Variants in DPYSL2 observed in about 807,000 individuals in gnomAD.
DPYSL2 encodes dihydropyrimidinase like 2.
In DPYSL2, 13 loss-of-function variants were observed where a neutral mutation model predicts 69.9. The observed-to-expected ratio is 0.19, with a 90% CI of 0.12 to 0.30. DPYSL2 has a LOEUF of 0.30. Among genes scored for constraint, DPYSL2 ranks in the 10% least tolerant of loss-of-function variants. The pLI, the probability that DPYSL2 is intolerant of heterozygous loss-of-function variation, is 1.00. For synonymous variants in DPYSL2, 326 were observed against 359.1 expected (o/e 0.91, Z 1.04); for missense variants, 587 against 918.9 (o/e 0.64, Z 4.67).
At position 26,643,363 on chromosome 8, in the gene DPYSL2, G is replaced by A. The variant is rs1585569161; in HGVS notation, c.1127-76G>A. 10 of 1,478,314 alleles carry A rather than the reference G, an allele frequency of 6.8e-6. No homozygotes were observed. Among genetic ancestry groups the A allele is most frequent in the Non-Finnish European group, 9.1e-6 (10 of 1,102,802 alleles). 91.6% of individuals were successfully genotyped at this position (1,478,314 alleles called of 1,614,324 possible). A position where few individuals can be genotyped will look rare whatever the true frequency, so the allele number is the denominator to read the frequency against. ...GAGTGCACTGGGTGCTGCTGGGCAG[G>A]CAGTGGCTCCTCATAGGGGTGGTTC... On this transcript the variant is annotated intron_variant, in intron 8 of 13. Transcript: ENST00000521913. The surrounding 1 kb of genome is among the most constrained non-coding windows in gnomAD (Gnocchi z 6.5).
chr8:26,637,123 C>T (rs1287285810), intron 8 of DPYSL2, among the ~76,000 whole-genome samples: 1 of 152,204 alleles, frequency 6.6e-6, no homozygotes, highest in African/African-American at 2.4e-5. Context: ...TGTTCCCTTC[C>T]AGAGCCTTCT....
chr8:26,625,454 A>G (rs1211257457), intron 4 of DPYSL2, among the ~76,000 whole-genome samples: 4 of 152,206 alleles, frequency 2.6e-5, no homozygotes, highest in African/African-American at 9.6e-5. Context: ...CAGGATGTCC[A>G]GAGGCATTTA....
In DPYSL2 at chr8:26,585,219, T is replaced by A. The variant is rs1801574128; in HGVS notation, c.628+1236T>A. Among the ~76,000 whole-genome samples, 1 of 152,200 alleles carries A rather than the reference T, an allele frequency of 6.6e-6. No homozygotes were observed. The highest frequency in any genetic ancestry group is 1.5e-5 in the Non-Finnish European group (1 of 68,034). ...GTAGAAAGAACTTAGCTGTTTCTGC[T>A]ATAGAAAAACCTTTCTTACTGGTTA... is the stretch of plus-strand genomic sequence containing the variant. On this transcript the variant is annotated intron_variant, in intron 3 of 13. Transcript: ENST00000521913. The surrounding 1 kb of genome is among the most constrained non-coding windows in gnomAD (Gnocchi z 4.0).
chr8:26,545,066 G>A (rs1800743834), intron 1 of DPYSL2, among the ~76,000 whole-genome samples: 1 of 152,064 alleles, frequency 6.6e-6, no homozygotes, highest in African/African-American at 2.4e-5. Flanking sequence ...TAATAGTAGG[G>A]GACTTTGATA....
rs1175779357 is a variant in DPYSL2 at position 26,580,696 on chromosome 8, G to T, written c.355-1273G>T. On this transcript the variant is annotated intron_variant, in intron 1 of 13. Transcript: ENST00000521913. This position sits in a 1 kb window ranked among gnomAD's most constrained non-coding sequence, Gnocchi z 4.1. ...TTTTCTTGGTAGCTGCTAAAGAGAG[G>T]TAGCACTTGCTGAGAATATTGTTTT... 6.6e-6 allele frequency among the ~76,000 whole-genome samples: 1 copy of T among 152,172 alleles called. No homozygotes were observed. Among genetic ancestry groups the T allele is most frequent in the Non-Finnish European group, 1.5e-5 (1 of 68,038 alleles).
intron 1 of DPYSL2, chr8:26,577,171 C>G (rs1022171178): frequency 3.6e-5 from 16 of 446,456 alleles, no homozygotes; most frequent in African/African-American, 3.1e-4. Flanking sequence ...TTTCCTGCAG[C>G]CCGGCGCCTC....
chr8:26,638,972 C>G (rs17055582), intron 8 of DPYSL2, among the ~76,000 whole-genome samples: 18,911 of 152,236 alleles, frequency 0.12, 2,169 homozygotes, highest in African/African-American at 0.3. Flanking sequence ...TGGGCAGTGC[C>G]TGATGACCTC....
chr8:26,538,623 C>G (rs1800633919), intron 1 of DPYSL2, among the ~76,000 whole-genome samples: 2 of 152,180 alleles, frequency 1.3e-5, no homozygotes, highest in African/African-American at 4.8e-5. Flanking sequence ...GAAGGAGCTG[C>G]TATTATGTTT....
chr8:26,529,602 CCA>C (rs1800465077), intron 1 of DPYSL2, among the ~76,000 whole-genome samples: 1 of 152,034 alleles, frequency 6.6e-6, no homozygotes, highest in Non-Finnish European at 1.5e-5. Flanking sequence ...TAGGCATGAG[CCA>C]CTGTGCTGCC....
rs1177683216 is a variant in DPYSL2 at position 26,610,691 on chromosome 8, G to A, written c.629-13452G>A. Reference sequence around the variant, plus strand: ...CCCCTGGCATAGAAGGGTGCATCTCGTCTCCCCACAACAGCACTGGAAGGT... The same window carrying A: ...CCCCTGGCATAGAAGGGTGCATCTCATCTCCCCACAACAGCACTGGAAGGT... On this transcript the variant is annotated intron_variant, in intron 3 of 13. Transcript: ENST00000521913. The surrounding 1 kb of genome is among the most constrained non-coding windows in gnomAD (Gnocchi z 4.5). Among the ~76,000 whole-genome samples the A allele has an allele frequency of 3.3e-5, 5 of 152,164 alleles. No homozygotes were observed. In the East Asian group the frequency reaches 7.7e-4, roughly 24 times the overall value.
At chr8:26,608,651 T>G (rs1472686573) in intron 3 of DPYSL2, among the ~76,000 whole-genome samples, 1 of 152,210 alleles carries the variant, frequency 6.6e-6, no homozygotes, top group Non-Finnish European at 1.5e-5. Flanking sequence ...ACCTTATTGT[T>G]CAGATACATT....
chr8:26,601,982 G>A (rs1802002962), intron 3 of DPYSL2, among the ~76,000 whole-genome samples: 1 of 152,196 alleles, frequency 6.6e-6, no homozygotes, highest in African/African-American at 2.4e-5. Flanking sequence ...CTGGGCAAAG[G>A]CTTATTTTAT....
intron 1 of DPYSL2, among the ~76,000 whole-genome samples, chr8:26,555,163 G>C (rs1453045593): frequency 6.6e-6 from 1 of 152,018 alleles, no homozygotes; most frequent in Non-Finnish European, 1.5e-5. Context: ...TTTATGGTGA[G>C]AAACCATAAA....
chr8:26,611,319 G>A (rs976481633), intron 3 of DPYSL2, among the ~76,000 whole-genome samples: 1 of 152,204 alleles, frequency 6.6e-6, no homozygotes, highest in African/African-American at 2.4e-5. Flanking sequence ...TTTCATTAGT[G>A]AGAGAATGTT....
chr8:26,545,362 C>T lies in DPYSL2; in HGVS notation c.354+30683C>T, dbSNP rs149641916. 7.9e-5 allele frequency among the ~76,000 whole-genome samples: 12 copies of T among 152,158 alleles called. No individual in the cohort carries two copies. In the South Asian group the frequency reaches 8.3e-4, roughly 11 times the overall value. ...CTACTAACCTATAACAGCAAGAAAACAGGAAAATTCACAAATATGTGGAAA... is the reference window on the plus strand; with the variant it reads ...CTACTAACCTATAACAGCAAGAAAATAGGAAAATTCACAAATATGTGGAAA... On this transcript the variant is annotated intron_variant, in intron 1 of 13. Transcript: ENST00000521913.
intron 3 of DPYSL2, among the ~76,000 whole-genome samples, chr8:26,596,835 A>G (rs1421596546): frequency 1.3e-5 from 2 of 152,166 alleles, no homozygotes; most frequent in Non-Finnish European, 2.9e-5. Flanking sequence ...TTTGTTTTGT[A>G]GCAGTTAGAC....
At chr8:26,573,149 A>C (rs1801267108) in intron 1 of DPYSL2, among the ~76,000 whole-genome samples, 1 of 152,244 alleles carries the variant, frequency 6.6e-6, no homozygotes, top group Non-Finnish European at 1.5e-5. Context: ...GAGAATAATA[A>C]GCTGTTAATA....
intron 3 of DPYSL2, among the ~76,000 whole-genome samples, chr8:26,596,204 G>GAAAGCC (rs1231813470): frequency 9.8e-5 from 15 of 152,342 alleles, no homozygotes; most frequent in African/African-American, 7.2e-5. Flanking sequence ...AAACTGGGCA[G>GAAAGCC]AAAGCCACAG....
intron 1 of DPYSL2, among the ~76,000 whole-genome samples, chr8:26,549,200 T>TTAA (rs57336957): frequency 0.16 from 23,566 of 146,270 alleles, 2,034 homozygotes; most frequent in East Asian, 0.22. Context: ...AAAAATTAAG[T>TTAA]TAATAATAAT....
Sources: gnomAD v4.1 joint callset for allele counts (sites outside exome capture counted in the v4.1 genomes callset) on GRCh38, gnomAD v4.1.1 for gene constraint, Gnocchi (gnomAD v3.1) non-coding constraint, MANE v1.5 for transcripts, NCBI Gene and HGNC (gene_info 2026-07-23, HGNC 2026-07-21) for gene names.